Variants in DLGAP2 observed in about 807,000 individuals in gnomAD.
DLGAP2 encodes DLG associated protein 2.
DLGAP2 carries 26 observed loss-of-function variants against 100.3 expected under a neutral mutation model. That is an observed-to-expected ratio of 0.26 (90% CI 0.19 to 0.36). The LOEUF is 0.36. DLGAP2 is among the 10% of genes least tolerant of loss of function. DLGAP2 has a pLI of 1.00. For synonymous variants in DLGAP2, 886 were observed against 630.1 expected (o/e 1.41, Z -6.08); for missense variants, 1,858 against 1,453.2 (o/e 1.28, Z -4.53).
At position 948,934 on chromosome 8, in the gene DLGAP2, C is replaced by T. The variant is rs559497762; in HGVS notation, c.73+40968C>T. Among the ~76,000 whole-genome samples, 82 of 148,412 alleles carry T rather than the reference C, an allele frequency of 5.5e-4. 1 individual carries two copies. The East Asian group carries it at 0.015, about 26-fold the overall frequency. On this transcript the variant is annotated intron_variant, in intron 2 of 14. Transcript: ENST00000637795. Reference sequence around the variant, plus strand: ...GACTGCCGCCATCTTGGCGGGGGGACGCCAGGGTGAGAGCAGGGCCCGTGG... The same window carrying T: ...GACTGCCGCCATCTTGGCGGGGGGATGCCAGGGTGAGAGCAGGGCCCGTGG...
In DLGAP2 at chr8:1,705,057, G is replaced by C. The variant is rs946991912; in HGVS notation, c.*3651G>C. On this transcript the variant is annotated 3_prime_UTR_variant, in exon 15 of 15. Coordinates refer to ENST00000637795, the MANE Select transcript of DLGAP2 (RefSeq NM_001346810.2). ...TAGATCCTTGTAAGCATCGCTACCC[G>C]AGTCCAGGATGGAATTTCACAGGAA... 56 of 152,210 alleles carry C rather than the reference G, an allele frequency of 3.7e-4. No individual in the cohort carries two copies. The highest frequency in any genetic ancestry group is 1.3e-3 in the African/African-American group (55 of 41,456). 9.4% of individuals were successfully genotyped at this position (152,210 alleles called of 1,614,324 possible).
At chr8:1,067,600 G>T (rs1266553816) in intron 2 of DLGAP2, among the ~76,000 whole-genome samples, 13 of 140,402 alleles carry the variant, frequency 9.3e-5, no homozygotes, top group Middle Eastern at 7.1e-3. Context: ...AGGTGGTTGA[G>T]TGACGTGTGT....
chr8:1,188,947 G>A (rs1797574834), intron 2 of DLGAP2, among the ~76,000 whole-genome samples: 1 of 152,096 alleles, frequency 6.6e-6, no homozygotes, highest in Non-Finnish European at 1.5e-5. Context: ...GGCCGGTTCC[G>A]CGGTTGGGGT....
chr8:1,676,529 T>C lies in DLGAP2; in HGVS notation c.2203-4T>C. 1 of 1,612,498 alleles carries C rather than the reference T, an allele frequency of 6.2e-7. No individual in the cohort carries two copies. Among genetic ancestry groups the C allele is most frequent in the East Asian group, 2.2e-5 (1 of 44,832 alleles). On this transcript the variant is annotated splice_polypyrimidine_tract_variant and splice_region_variant and intron_variant, in intron 10 of 14. Coordinates refer to ENST00000637795, the MANE Select transcript of DLGAP2 (RefSeq NM_001346810.2). ...CTAAAATAAGACGTTCTCTGTTGAA[T>C]TAGGTGGAAACGGCCACAGATTCTG...
rs182880179 is a variant in DLGAP2, at chr8:1,290,557, G to A, written c.106+31674G>A. The stretch of plus-strand genomic sequence containing the variant: ...TAGTTATAAAAGAGACAAGTCACCC[G>A]CAGAGACCTTTAGAAACAAGTGCTC... On this transcript the variant is annotated intron_variant, in intron 3 of 14. Coordinates refer to ENST00000637795, the MANE Select transcript of DLGAP2 (RefSeq NM_001346810.2). Among the ~76,000 whole-genome samples, 38 of 152,332 alleles carry A rather than the reference G, an allele frequency of 2.5e-4. 1 individual carries two copies. In the East Asian group the frequency reaches 6.6e-3, roughly 26 times the overall value.
intron 2 of DLGAP2, among the ~76,000 whole-genome samples, chr8:1,063,693 T>C (rs1011689819): frequency 6.6e-6 from 1 of 152,126 alleles, no homozygotes; most frequent in African/African-American, 2.4e-5. Context: ...GACCAAAATA[T>C]CTTACATTAA....
chr8:861,368 T>A (rs1797386809), intron 1 of DLGAP2, among the ~76,000 whole-genome samples: 1 of 152,136 alleles, frequency 6.6e-6, no homozygotes, highest in African/African-American at 2.4e-5. Context: ...CTGGAACCCC[T>A]CCTCACACAT....
intron 3 of DLGAP2, among the ~76,000 whole-genome samples, chr8:1,465,061 G>T (rs1321599195): frequency 6.6e-6 from 1 of 152,232 alleles, no homozygotes; most frequent in Non-Finnish European, 1.5e-5. Flanking sequence ...CTCTGCAGGG[G>T]TCACCAGCCA....
chr8:1,529,064 G>C (rs970763831), intron 4 of DLGAP2, among the ~76,000 whole-genome samples: 10 of 117,782 alleles, frequency 8.5e-5, no homozygotes, highest in African/African-American at 2.8e-4. Context: ...TTTATATAAA[G>C]AGCTGCCTGA....
In DLGAP2 at chr8:1,364,203, C is replaced by T. The variant is rs143656351; in HGVS notation, c.106+105320C>T. 2.9e-3 allele frequency among the ~76,000 whole-genome samples: 446 copies of T among 152,298 alleles called. 2 individuals carry two copies. The highest frequency in any genetic ancestry group is 0.01 in the African/African-American group (431 of 41,568). Reference sequence around the variant, plus strand: ...AGGAGCCCTGTACAGAGGGGAGGGGCGGACGGTGCCCCCGGGCTGGATCCC... The same window carrying T: ...AGGAGCCCTGTACAGAGGGGAGGGGTGGACGGTGCCCCCGGGCTGGATCCC... On this transcript the variant is annotated intron_variant, in intron 3 of 14. Transcript: ENST00000637795.
chr8:942,865 T>C (rs374979204), intron 2 of DLGAP2, among the ~76,000 whole-genome samples: 1 of 152,198 alleles, frequency 6.6e-6, no homozygotes, highest in Non-Finnish European at 1.5e-5. Context: ...GGTTGGAGTC[T>C]GGAGGAAGAC....
At chr8:1,288,015 G>GA in intron 3 of DLGAP2, among the ~76,000 whole-genome samples, 1 of 114,954 alleles carries the variant, frequency 8.7e-6, no homozygotes, top group African/African-American at 3.7e-5. Flanking sequence ...GTTCTGTTAG[G>GA]GGGACTAGTT....
chr8:1,064,985 TCA>T (rs916947532), intron 2 of DLGAP2, among the ~76,000 whole-genome samples: 1 of 152,218 alleles, frequency 6.6e-6, no homozygotes, highest in African/African-American at 2.4e-5. Flanking sequence ...TGCTGTGCAT[TCA>T]CAGTTTGTTG....
At chr8:870,428 T>A (rs571431323) in intron 1 of DLGAP2, among the ~76,000 whole-genome samples, 1 of 152,206 alleles carries the variant, frequency 6.6e-6, no homozygotes, top group South Asian at 2.1e-4. Flanking sequence ...GACTCACTGC[T>A]TATGTTAGTG....
intron 2 of DLGAP2, among the ~76,000 whole-genome samples, chr8:1,254,377 C>T (rs930382509): frequency 4.6e-5 from 7 of 152,078 alleles, no homozygotes; most frequent in African/African-American, 1.7e-4. Flanking sequence ...TCCTGACATG[C>T]ATGTTCACTC....
chr8:1,554,287 C>T (rs564751435), intron 5 of DLGAP2, among the ~76,000 whole-genome samples: 2 of 135,192 alleles, frequency 1.5e-5, no homozygotes, highest in Non-Finnish European at 3.0e-5. Flanking sequence ...GACTCCATCT[C>T]TAAATAAATA....
At chr8:1,667,905 G>T (rs1204437871) in intron 8 of DLGAP2, among the ~76,000 whole-genome samples, 2 of 151,642 alleles carry the variant, frequency 1.3e-5, no homozygotes, top group Non-Finnish European at 2.9e-5. Context: ...CCATGCCTGT[G>T]CGCTGTCCTG....
chr8:1,204,409 G>T (rs1797946821), intron 2 of DLGAP2, among the ~76,000 whole-genome samples: 2 of 152,244 alleles, frequency 1.3e-5, no homozygotes, highest in African/African-American at 4.8e-5. Flanking sequence ...TCACAGGTGT[G>T]AGTGACGGTG....
chr8:1,667,927 C>A (rs62483121), intron 8 of DLGAP2, among the ~76,000 whole-genome samples: 3,607 of 151,014 alleles, frequency 0.024, 66 homozygotes, highest in Non-Finnish European at 0.038. Flanking sequence ...GGGGACACAC[C>A]TTGCCTAGGT....
Sources: gnomAD v4.1 joint callset for allele counts (sites outside exome capture counted in the v4.1 genomes callset) on GRCh38, gnomAD v4.1.1 for gene constraint, MANE v1.5 for transcripts, NCBI Gene and HGNC (gene_info 2026-07-23, HGNC 2026-07-21) for gene names.